DOCK8: variants seen among roughly 807,000 people sequenced by gnomAD.
DOCK8 encodes dedicator of cytokinesis protein 8.
Under a neutral mutation model 245.6 loss-of-function variants are expected in DOCK8, and 141 were observed. The ratio of observed to expected loss-of-function variants is 0.57; its 90% CI spans 0.50 to 0.66. DOCK8 has a LOEUF of 0.66. DOCK8 is among the 30% of genes least tolerant of loss of function. The pLI is 0.00. For missense variants in DOCK8, 2,965 were observed against 2,603.4 expected (o/e 1.14, Z -3.02); for synonymous variants, 1,168 against 970.2 (o/e 1.20, Z -3.79).
Position 439,241 on chromosome 9 carries a change from T to A in DOCK8, c.5080-4T>A. ...CTCCAGGCTTATACTGTGGTCTCTTTCAGAATATTTCTTCCAATGTGCTGG... is the reference window on the plus strand; with the variant it reads ...CTCCAGGCTTATACTGTGGTCTCTTACAGAATATTTCTTCCAATGTGCTGG... On this transcript the variant is annotated splice_region_variant and splice_polypyrimidine_tract_variant and intron_variant, in intron 39 of 47. Transcript: ENST00000432829. The A allele has an allele frequency of 6.2e-7, 1 of 1,614,164 alleles. No homozygotes were observed. Among genetic ancestry groups the A allele is most frequent in the East Asian group, 2.2e-5 (1 of 44,880 alleles).
chr9:395,210 G>A lies in DOCK8; in HGVS notation c.2971-1575G>A, dbSNP rs181501309. On this transcript the variant is annotated intron_variant, in intron 24 of 47. Coordinates refer to ENST00000432829, the MANE Select transcript of DOCK8 (RefSeq NM_203447.4). Reference sequence around the variant, plus strand: ...TGTGTCCCAAACCAAAGAGGATGCCGCCATGAGGAGAAACCATGGTTTCTC... The same window carrying A: ...TGTGTCCCAAACCAAAGAGGATGCCACCATGAGGAGAAACCATGGTTTCTC... Among the ~76,000 whole-genome samples the A allele has an allele frequency of 9.2e-5, 14 of 152,190 alleles. No individual in the cohort carries two copies. In the East Asian group the frequency reaches 2.5e-3, roughly 27 times the overall value.
At chr9:405,125 C>T (rs1413753109) in intron 27 of DOCK8, 52 bp downstream of exon 27, 9 of 1,524,080 alleles carry the variant, frequency 5.9e-6, no homozygotes, top group Admixed American at 1.7e-5. Flanking sequence ...TTTCATTTAA[C>T]TAGCTCAGTT....
Position 446,528 on chromosome 9 carries a change from C to G in DOCK8, c.5739C>G (p.Tyr1913Ter). ...CTCGGGGAGAGCTGCATGAGCAGTACAGAAGGAACACAGTCCTGACCACTA... is the reference window on the plus strand; with the variant it reads ...CTCGGGGAGAGCTGCATGAGCAGTAGAGAAGGAACACAGTCCTGACCACTA... ...GRPRGELHEQYRRNTVLTTMH... is the reference protein window; with the variant it reads ...GRPRGELHEQ Residue 1913 changes from tyrosine to a stop codon, truncating the protein, a stop_gained, in exon 44 of 48, where the codon TAC becomes TAG. Coordinates refer to ENST00000432829, the MANE Select transcript of DOCK8 (RefSeq NM_203447.4). LOFTEE classifies it high-confidence loss of function. 1 of 1,614,216 alleles carries G rather than the reference C, an allele frequency of 6.2e-7. No homozygotes were observed. The highest frequency in any genetic ancestry group is 8.5e-7 in the Non-Finnish European group (1 of 1,180,038).
intron 46 of DOCK8, among the ~76,000 whole-genome samples, chr9:461,557 G>GTT (rs2057807341): frequency 9.2e-5 from 1 of 10,874 alleles, no homozygotes; most frequent in African/African-American, 4.1e-4. Flanking sequence ...TTTTTTTTTT[G>GTT]GTGAGACAAG....
intron 1 of DOCK8, among the ~76,000 whole-genome samples, chr9:248,044 T>C (rs1317176465): frequency 6.6e-6 from 1 of 151,972 alleles, no homozygotes; most frequent in African/African-American, 2.4e-5. Flanking sequence ...GTTGAAACTT[T>C]AATATGTCCG....
chr9:295,274 G>T (rs1350684516), intron 4 of DOCK8, among the ~76,000 whole-genome samples: 2 of 152,148 alleles, frequency 1.3e-5, no homozygotes, highest in Non-Finnish European at 2.9e-5. Context: ...ATGGTTCCCA[G>T]GGTCTGGGAG....
chr9:232,599 T>C (rs2047141650), intron 1 of DOCK8, among the ~76,000 whole-genome samples: 1 of 152,222 alleles, frequency 6.6e-6, no homozygotes, highest in African/African-American at 2.4e-5. Flanking sequence ...ATTCAGAGAT[T>C]CAACTTCTTC....
intron 28 of DOCK8, among the ~76,000 whole-genome samples, chr9:412,022 A>C (rs2055753474): frequency 6.6e-6 from 1 of 152,228 alleles, no homozygotes; most frequent in African/African-American, 2.4e-5. Flanking sequence ...CCCTAAGATT[A>C]GGAACAAGAC....
chr9:404,859 C>T, intron 26 of DOCK8, 59 bp from the exon 27 acceptor site: 4 of 1,597,316 alleles, frequency 2.5e-6, no homozygotes, highest in Non-Finnish European at 3.4e-6. Context: ...TGTCTGCCAA[C>T]CTCAACTCCA....
chr9:417,852 T>C (rs938219445), intron 29 of DOCK8, among the ~76,000 whole-genome samples: 2 of 152,244 alleles, frequency 1.3e-5, no homozygotes, highest in African/African-American at 4.8e-5. Flanking sequence ...GTTCACACAA[T>C]TTGAAAAATT....
chr9:371,297 G>A (rs2053274868), intron 16 of DOCK8, 131 bp from the exon 17 acceptor site: 3 of 1,033,762 alleles, frequency 2.9e-6, no homozygotes, highest in Non-Finnish European at 3.0e-6. Context: ...CAGCTTCAGA[G>A]CAGAGTAATG....
chr9:234,881 C>A (rs986876410), intron 1 of DOCK8, among the ~76,000 whole-genome samples: 1 of 152,106 alleles, frequency 6.6e-6, no homozygotes, highest in South Asian at 2.1e-4. Context: ...TCGTCTGAAG[C>A]CTTCTTCTCT....
chr9:420,323 G>GCTTGACTGTTAAGCCTCAAATT, intron 30 of DOCK8, 78 bp from the exon 31 acceptor site: 1 of 1,486,024 alleles, frequency 6.7e-7, no homozygotes, highest in Non-Finnish European at 9.4e-7. Flanking sequence ...TTTTTCTGTT[G>GCTTGACTGTTAAGCCTCAAATT]CTTGACTGTT....
chr9:361,137 A>C (rs1237546806), intron 14 of DOCK8, among the ~76,000 whole-genome samples: 1 of 152,204 alleles, frequency 6.6e-6, no homozygotes, highest in Non-Finnish European at 1.5e-5. Context: ...ACAGCACTCC[A>C]GCCCAAGCAA....
chr9:376,445 A>T, intron 19 of DOCK8, 140 bp downstream of exon 19: 1 of 737,132 alleles, frequency 1.4e-6, no homozygotes, highest in Non-Finnish European at 2.4e-6. Context: ...GGGACATGCA[A>T]ACCTCTTTAG....
chr9:447,050 G>T (rs2057287672), intron 44 of DOCK8, among the ~76,000 whole-genome samples: 1 of 152,098 alleles, frequency 6.6e-6, no homozygotes, highest in Non-Finnish European at 1.5e-5. Flanking sequence ...GTGTGCTGTG[G>T]GAAAGGGCCG....
chr9:256,870 T>G (rs999908537), intron 1 of DOCK8, among the ~76,000 whole-genome samples: 6 of 151,888 alleles, frequency 4.0e-5, no homozygotes, highest in African/African-American at 1.2e-4. Context: ...AAGTGCACAC[T>G]CGATGAATAC....
chr9:324,465 C>G (rs1231236114), intron 7 of DOCK8, among the ~76,000 whole-genome samples: 3 of 152,104 alleles, frequency 2.0e-5, no homozygotes. Context: ...CACCAGTGTT[C>G]CATGTGCACC....
chr9:401,071 CAT>C (rs2055067716), intron 26 of DOCK8, among the ~76,000 whole-genome samples: 1 of 28,754 alleles, frequency 3.5e-5, no homozygotes, highest in Non-Finnish European at 1.5e-4. Flanking sequence ...TTGTCACCAT[CAT>C]CACCACCACC....
Sources: gnomAD v4.1 joint callset for allele counts (sites outside exome capture counted in the v4.1 genomes callset) on GRCh38, gnomAD v4.1.1 for gene constraint, MANE v1.5 for transcripts, NCBI Gene and HGNC (gene_info 2026-07-23, HGNC 2026-07-21) for gene names.